The following KDM5C variants were observed in gnomAD, a reference collection of about 807,000 sequenced individuals.
KDM5C encodes lysine demethylase 5C, also known as lysine-specific demethylase 5C.
A neutral mutation model predicts 110.6 loss-of-function variants in KDM5C; 16 were observed. The ratio of observed to expected loss-of-function variants is 0.14; its 90% confidence interval spans 0.10 to 0.22. The LOEUF (loss-of-function observed/expected upper bound fraction) is 0.22, where lower values mean the gene tolerates loss of function less well. Ranked by LOEUF, KDM5C falls within the 10% of genes least tolerant of loss-of-function variation. The probability of loss-of-function intolerance (pLI) is 1.00; values close to 1 mark genes in which losing one functional copy is unlikely to be tolerated. For missense variants in KDM5C, 681 were observed against 1,300.9 expected, an observed-to-expected ratio of 0.52 and a Z score of 7.33; for synonymous variants, 511 against 520.4, an observed-to-expected ratio of 0.98 and a Z score of 0.24.
intron 25 of KDM5C, among the ~76,000 whole-genome samples, chrX:53,181,134 TA>T (rs1427444002): frequency 1.6e-4 from 17 of 108,641 alleles, no homozygotes; most frequent in Non-Finnish European, 2.1e-4. Context: ...TATATATATA[TA>T]TTTTTTTTTG....
chrX:53,197,469 A>C (rs2072990653), intron 18 of KDM5C, among the ~76,000 whole-genome samples: 1 of 106,518 alleles, frequency 9.4e-6, no homozygotes, highest in African/African-American at 3.4e-5. Context: ...ACCTTCATGA[A>C]TTTCCCTCCA....
downstream of KDM5C, among the ~76,000 whole-genome samples, chrX:53,190,034 A>G (rs1394705698): frequency 3.6e-5 from 4 of 112,560 alleles, no homozygotes; most frequent in Non-Finnish European, 7.5e-5. Context: ...AGGACTCGGC[A>G]GCTAGGTGAT....
rs2146820540 is a variant in KDM5C at position 53,194,317 on chromosome X, C to G, written c.3860G>C (p.Ser1287Thr). Residue 1287 changes from serine (S) to threonine (T), a missense_variant, in exon 23 of 26, where the codon AGC becomes ACC. By Grantham distance (58) the Ser-to-Thr change is moderately conservative. This residue lies in a region of KDM5C where 12 missense variants were observed against 54.5 expected (regional missense o/e 0.22). Coordinates refer to ENST00000375401, the MANE Select transcript of KDM5C (RefSeq NM_004187.5). ...AGCCTGCCTGGCGCGGCCTTGCCAG[C>G]TGATGGCCCTCTCTGTGAGGCACTG... ...ALQCLTERAI[S>T]WQGRARQALA... is the part of the protein sequence containing the mutation. 3 of 1,212,220 alleles carry G rather than the reference C, an allele frequency of 2.5e-6. No individual in the cohort carries two copies. The highest frequency in any genetic ancestry group is 2.2e-6 in the Non-Finnish European group (2 of 895,428).
At chrX:53,217,073 C>T (rs2073763929) in intron 5 of KDM5C, 70 bp downstream of exon 5, 1 of 1,115,330 alleles carries the variant, frequency 9.0e-7, no homozygotes, top group South Asian at 1.9e-5. Context: ...GGGAACACAG[C>T]CTTAGCCAGA....
Position 53,216,091 on chromosome X carries a change from T to C in KDM5C, c.764A>G (p.Lys255Arg), listed in dbSNP as rs1556851730. 4.1e-6 allele frequency: 5 copies of C among 1,212,603 alleles called. No individual in the cohort carries two copies. The highest frequency in any genetic ancestry group is 2.3e-4 in the Middle Eastern group (1 of 4,354). ...GGCCTTACCTTTCTTCCGCAGAGTC[T>C]TGTCTTTGGCCATGAGGCCCAGGCC... ...MMGLGLMAKD[K>R]TLRKKDKEGP... is the part of the protein sequence containing the mutation. Residue 255 changes from lysine to arginine, a missense_variant, in exon 6 of 26, where the codon AAG (lysine) becomes AGG (arginine). Transcript: ENST00000375401.
intron 14 of KDM5C, among the ~76,000 whole-genome samples, chrX:53,199,794 G>A (rs1441626567): frequency 8.9e-6 from 1 of 112,170 alleles, no homozygotes; most frequent in Non-Finnish European, 1.9e-5. Flanking sequence ...CTATATTGGA[G>A]TAATCGAGAG....
In KDM5C at chrX:53,215,825, C is replaced by T. The variant is rs782331238; in HGVS notation, c.933G>A (p.Arg311=). 1 of 1,211,638 alleles carries T rather than the reference C, an allele frequency of 8.3e-7. No homozygotes were observed. Among genetic ancestry groups the T allele is most frequent in the East Asian group, 3.0e-5 (1 of 33,841 alleles). The stretch of plus-strand genomic sequence containing the variant: ...GGGCATTGCTGTGGTTCCTCCGTAG[C>T]CTCATGGTCATCTTGGTGCAGGGTT... ...SPEPCTKMTM[R]LRRNHSNAQF... is the part of the protein sequence containing the mutation. Residue 311 remains arginine, a synonymous_variant, in exon 7 of 26, where the codon AGG becomes AGA. Coordinates refer to ENST00000375401, the MANE Select transcript of KDM5C (RefSeq NM_004187.5).
intron 25 of KDM5C, among the ~76,000 whole-genome samples, chrX:53,184,079 A>C (rs1756228343): frequency 8.9e-6 from 1 of 112,119 alleles, no homozygotes; most frequent in Non-Finnish European, 1.9e-5. Context: ...CTCCTTGATT[A>C]AATTTATTCC....
chrX:53,222,007 A>C (rs2073909889), intron 1 of KDM5C, among the ~76,000 whole-genome samples: 1 of 111,539 alleles, frequency 9.0e-6, no homozygotes, highest in Admixed American at 9.5e-5. Context: ...ATCAACCTAA[A>C]GTAACCTAAA....
At position 53,224,904 on chromosome X, in the gene KDM5C, C is replaced by G; in HGVS notation, c.-15G>C. ...CCCGGCTCCATGGTGGGCCCGAGGT[C>G]TGGGCCAGGGATCGGGAGGCTTGGA... On this transcript the variant is annotated 5_prime_UTR_variant, in exon 1 of 26. Transcript: ENST00000375401. 8.3e-7 allele frequency: 1 copy of G among 1,200,531 alleles called. No individual in the cohort carries two copies. The highest frequency in any genetic ancestry group is 1.1e-6 in the Non-Finnish European group (1 of 888,687).
chrX:53,224,638 C>G, intron 1 of KDM5C, 102 bp downstream of exon 1: 2 of 1,028,294 alleles, frequency 1.9e-6, no homozygotes, highest in Admixed American at 4.8e-5. Context: ...CCAGCCACCC[C>G]CTCTCCCCAC....
In KDM5C at chrX:53,193,278, G is replaced by T. The variant is rs782669407; in HGVS notation, c.4372C>A (p.Arg1458=). 2 of 1,208,779 alleles carry T rather than the reference G, an allele frequency of 1.7e-6. No homozygotes were observed. The highest frequency in any genetic ancestry group is 3.5e-5 in the South Asian group (2 of 56,880). The part of the protein sequence containing the change: ...SRARGRALER[R]RRRKVDRGGE... ...CCCCGATCCACCTTCCGCCGCCGCC[G>T]CCTCTCCAGGGCCCGGCCCCGAGCC... is the stretch of plus-strand genomic sequence containing the variant. The change falls in exon 26 of 26, where the codon CGG becomes AGG. Residue 1458 remains arginine (R), a synonymous_variant. Transcript: ENST00000375401.
chrX:53,181,675 CAAAAAAAAAAAA>C (rs60649092), intron 25 of KDM5C, among the ~76,000 whole-genome samples: 2 of 52,641 alleles, frequency 3.8e-5, no homozygotes, highest in Non-Finnish European at 6.4e-5. Context: ...GACCATGTCT[CAAAAAAAAAAAA>C]AAAAAAAAAA....
chrX:53,193,044 G>C lies in KDM5C; in HGVS notation c.4606C>G (p.Pro1536Ala). Residue 1536 changes from proline to alanine, a missense_variant, in exon 26 of 26, where the codon CCC (proline) becomes GCC (alanine). By Grantham distance (27) the Pro-to-Ala change is conservative. Coordinates refer to ENST00000375401, the MANE Select transcript of KDM5C (RefSeq NM_004187.5). ...LEPAEGTTSGPSAPFSTLTPR... is the reference protein window; with the variant it reads ...LEPAEGTTSGASAPFSTLTPR... Reference sequence around the variant, plus strand: ...GTCAGAGTGGAGAAAGGGGCCGAGGGGCCTGAAGTGGTCCCTTCCGCCGGT... The same window carrying C: ...GTCAGAGTGGAGAAAGGGGCCGAGGCGCCTGAAGTGGTCCCTTCCGCCGGT... The C allele has an allele frequency of 8.3e-7, 1 of 1,204,189 alleles. No individual in the cohort carries two copies. Among genetic ancestry groups the C allele is most frequent in the Non-Finnish European group, 1.1e-6 (1 of 891,731 alleles).
chrX:53,192,847 T>C lies in KDM5C; in HGVS notation c.*120A>G. 1 of 953,628 alleles carries C rather than the reference T, an allele frequency of 1.0e-6. No individual in the cohort carries two copies. The highest frequency in any genetic ancestry group is 1.4e-6 in the Non-Finnish European group (1 of 718,371). The allele number at this position is 953,628 out of a possible 1,213,427, so 78.6% of individuals were successfully genotyped here. On this transcript the variant is annotated 3_prime_UTR_variant, in exon 26 of 26. Transcript: ENST00000375401. ...GTCAAGGGACTCAGGGGTGGGCGGG[T>C]AGCAGGGATGGCCACCCCCCTACCC...
At chrX:53,218,509 C>A in intron 2 of KDM5C, 111 bp from the exon 3 acceptor site, 1 of 895,237 alleles carries the variant, frequency 1.1e-6, no homozygotes, top group Non-Finnish European at 1.6e-6. Flanking sequence ...CTTTCACTAC[C>A]CAGGGTTTCT....
chrX:53,212,774 G>A (rs2073612805), intron 8 of KDM5C: 1 of 109,162 alleles, frequency 9.2e-6, no homozygotes, highest in Non-Finnish European at 1.9e-5. Context: ...CTGAGGTGGG[G>A]TGGATCACCT....
chrX:53,201,382 A>G (rs1173951614), intron 14 of KDM5C, 168 bp downstream of exon 14: 11 of 500,722 alleles, frequency 2.2e-5, no homozygotes, highest in Non-Finnish European at 3.5e-5. Flanking sequence ...AATCGACTTA[A>G]GGTTGCTGGT....
rs1569262116 is a variant in KDM5C at position 53,197,580 on chromosome X, C to T, written c.2622+191G>A. On this transcript the variant is annotated intron_variant, in intron 18 of 25. Transcript: ENST00000375401. ...GTATCCTATACCCATACCCTTGCCA[C>T]CTGACCCTCAAGGCCCATTTCTAAC... 4 of 459,708 alleles carry T rather than the reference C, an allele frequency of 8.7e-6. No homozygotes were observed. In the East Asian group the frequency reaches 1.1e-4, roughly 13 times the overall value. 37.9% of individuals were successfully genotyped at this position (459,708 alleles called of 1,213,427 possible). A position where few individuals can be genotyped will look rare whatever the true frequency, so the allele number is the denominator to read the frequency against.
Sources: gnomAD v4.1 joint callset for allele counts (sites outside exome capture counted in the v4.1 genomes callset) on GRCh38, gnomAD v4.1.1 for gene constraint, gnomAD v4.1.1 regional missense constraint, MANE v1.5 for transcripts, NCBI Gene and HGNC (gene_info 2026-07-23, HGNC 2026-07-21) for gene names.